Variants in PTPRR observed in about 807,000 individuals in gnomAD.
PTPRR encodes receptor-type tyrosine-protein phosphatase R.
A neutral mutation model predicts 77.2 loss-of-function variants in PTPRR; 38 were observed. The observed-to-expected ratio is 0.49, with a 90% confidence interval of 0.38 to 0.65. The LOEUF (loss-of-function observed/expected upper bound fraction) is 0.65. Among genes scored for constraint, PTPRR ranks in the 30% least tolerant of loss-of-function variants. The pLI, the probability that PTPRR is intolerant of heterozygous loss-of-function variation, is 0.00. For missense variants in PTPRR, 744 were observed against 799.2 expected (o/e 0.93, Z 0.83); for synonymous variants, 299 against 283.1 (o/e 1.06, Z -0.57).
At chr12:70,898,161 TA>T (rs143545504) in intron 1 of PTPRR, among the ~76,000 whole-genome samples, 1 of 148,618 alleles carries the variant, frequency 6.7e-6, no homozygotes, top group Admixed American at 6.7e-5. Flanking sequence ...ATAATAATAA[TA>T]AAAAAAGAGA....
chr12:70,809,496 TA>T (rs1891771677), intron 2 of PTPRR, among the ~76,000 whole-genome samples: 4 of 152,208 alleles, frequency 2.6e-5, no homozygotes, highest in Admixed American at 2.0e-4. Flanking sequence ...TATGCATTAT[TA>T]AGAACTATAG....
At chr12:70,764,465 C>T (rs1890766043) in intron 3 of PTPRR, among the ~76,000 whole-genome samples, 200 bp downstream of exon 3, 1 of 152,132 alleles carries the variant, frequency 6.6e-6, no homozygotes, top group Admixed American at 6.5e-5. Context: ...AACTACTGAA[C>T]TCTGCCACTG....
chr12:70,909,965 A>T (rs1259792733), intron 1 of PTPRR, among the ~76,000 whole-genome samples: 5 of 152,168 alleles, frequency 3.3e-5, no homozygotes, highest in Admixed American at 1.3e-4. Context: ...AATTTATAAG[A>T]CGAAGGTTTT....
intron 2 of PTPRR, among the ~76,000 whole-genome samples, chr12:70,844,852 C>A: frequency 6.6e-6 from 1 of 151,834 alleles, no homozygotes; most frequent in East Asian, 1.9e-4. Context: ...TATGAAAATA[C>A]CAATATAGTA....
chr12:70,892,045 G>C (rs1893346740), intron 2 of PTPRR, among the ~76,000 whole-genome samples: 1 of 151,938 alleles, frequency 6.6e-6, no homozygotes, highest in East Asian at 1.9e-4. Flanking sequence ...TCCACAATTT[G>C]GAAACCTCTG....
intron 10 of PTPRR, among the ~76,000 whole-genome samples, chr12:70,675,769 C>T (rs1225336319): frequency 5.9e-5 from 9 of 151,716 alleles, no homozygotes; most frequent in African/African-American, 1.9e-4. Context: ...AAATGTCTTT[C>T]ACACCTGGCC....
At chr12:70,792,428 T>A (rs547218459) in intron 2 of PTPRR, among the ~76,000 whole-genome samples, 4 of 152,286 alleles carry the variant, frequency 2.6e-5, no homozygotes, top group Admixed American at 6.5e-5. Flanking sequence ...GTTGGACCCA[T>A]TCTGCTTAGT....
intron 1 of PTPRR, among the ~76,000 whole-genome samples, chr12:70,913,927 A>G (rs753296775): frequency 6.6e-6 from 1 of 152,340 alleles, no homozygotes. Flanking sequence ...GGGAATAAGT[A>G]TATAGAAATA....
intron 2 of PTPRR, chr12:70,788,748 A>G: frequency 9.3e-7 from 1 of 1,076,054 alleles, no homozygotes; most frequent in Non-Finnish European, 1.4e-6. Context: ...ATAAATCTTA[A>G]TATTTACCCT....
chr12:70,735,388 G>A (rs1889826824), intron 6 of PTPRR, among the ~76,000 whole-genome samples: 1 of 152,170 alleles, frequency 6.6e-6, no homozygotes, highest in South Asian at 2.1e-4. Context: ...TGTCTTACAT[G>A]GCAGCAGGCA....
At chr12:70,724,084 A>G (rs1164524087) in intron 6 of PTPRR, among the ~76,000 whole-genome samples, 1 of 152,196 alleles carries the variant, frequency 6.6e-6, no homozygotes, top group East Asian at 1.9e-4. Context: ...GTTGTAAAAA[A>G]TGACCATTTT....
At chr12:70,890,961 C>A (rs1040478894) in intron 2 of PTPRR, among the ~76,000 whole-genome samples, 44 of 152,096 alleles carry the variant, frequency 2.9e-4, no homozygotes, top group African/African-American at 1.0e-3. Context: ...AAAAAATAAC[C>A]CTGCCTCCCC....
At chr12:70,841,113 A>T (rs1036511369) in intron 2 of PTPRR, among the ~76,000 whole-genome samples, 7 of 152,014 alleles carry the variant, frequency 4.6e-5, no homozygotes, top group Admixed American at 6.6e-5. Context: ...TGCCCCAGAA[A>T]AGCCATATGG....
chr12:70,896,730 T>A (rs543812880), intron 1 of PTPRR, among the ~76,000 whole-genome samples: 3 of 151,754 alleles, frequency 2.0e-5, no homozygotes, highest in African/African-American at 7.3e-5. Flanking sequence ...TCTTCTAGGG[T>A]TTTTACGGTT....
At chr12:70,685,352 G>A (rs1262472997) in intron 8 of PTPRR, among the ~76,000 whole-genome samples, 1 of 151,506 alleles carries the variant, frequency 6.6e-6, no homozygotes, top group Non-Finnish European at 1.5e-5. Flanking sequence ...AGATAAACAT[G>A]ATTCATTTCG....
intron 2 of PTPRR, among the ~76,000 whole-genome samples, chr12:70,822,007 G>A (rs970367172): frequency 6.6e-6 from 1 of 152,206 alleles, no homozygotes; most frequent in African/African-American, 2.4e-5. Flanking sequence ...TTGTTGACAT[G>A]TTTGATTTCT....
rs1055137978 is a variant in PTPRR, at chr12:70,874,668, A to C, written c.357+18011T>G. Among the ~76,000 whole-genome samples the C allele has an allele frequency of 5.3e-5, 8 of 152,160 alleles. No individual in the cohort carries two copies. The South Asian group carries it at 1.7e-3, about 32-fold the overall frequency. ...GCCAGGCACGGTGGCTCACGCCTGT[A>C]ATCCCAGCACTTTGGGAGGCCAAGG... On this transcript the variant is annotated intron_variant, in intron 2 of 13. Coordinates refer to ENST00000283228, the MANE Select transcript of PTPRR (RefSeq NM_002849.4).
At chr12:70,754,370 C>G in intron 4 of PTPRR, 69 bp from the exon 5 acceptor site, 1 of 1,596,888 alleles carries the variant, frequency 6.3e-7, no homozygotes, top group Non-Finnish European at 8.5e-7. Context: ...TTATCAGACA[C>G]TAAACATATT....
At chr12:70,793,517 CA>C (rs1232242111) in intron 2 of PTPRR, among the ~76,000 whole-genome samples, 1 of 152,110 alleles carries the variant, frequency 6.6e-6, no homozygotes, top group Non-Finnish European at 1.5e-5. Context: ...ATGCTCGAGA[CA>C]TTTTGTTTGT....
Sources: gnomAD v4.1 joint callset for allele counts (sites outside exome capture counted in the v4.1 genomes callset) on GRCh38, gnomAD v4.1.1 for gene constraint, MANE v1.5 for transcripts, NCBI Gene and HGNC (gene_info 2026-07-23, HGNC 2026-07-21) for gene names.